Variants in KCNQ1 observed in about 807,000 individuals in gnomAD.
The protein encoded by KCNQ1 is potassium voltage-gated channel subfamily Q member 1.
KCNQ1 carries 49 observed loss-of-function variants against 72.4 expected under a neutral mutation model. The observed-to-expected ratio is 0.68, with a 90% confidence interval of 0.54 to 0.86. The LOEUF is 0.86. KCNQ1 is among the 40% of genes least tolerant of loss of function. The pLI, the probability that KCNQ1 is intolerant of heterozygous loss-of-function variation, is 0.00. For missense variants in KCNQ1, 790 were observed against 945.1 expected (o/e 0.84, Z 2.15); for synonymous variants, 450 against 412.6 (o/e 1.09, Z -1.10).
intron 1 of KCNQ1, among the ~76,000 whole-genome samples, chr11:2,510,629 G>A (rs949043875): frequency 6.6e-6 from 1 of 152,206 alleles, no homozygotes; most frequent in African/African-American, 2.4e-5. Flanking sequence ...AGGCTAACAT[G>A]TTGGGCTTTC....
At chr11:2,732,014 G>T (rs1845865960) in intron 11 of KCNQ1, among the ~76,000 whole-genome samples, 1 of 152,232 alleles carries the variant, frequency 6.6e-6, no homozygotes, top group South Asian at 2.1e-4. Flanking sequence ...GGGCTCCTGT[G>T]TTCCTTCCTC....
chr11:2,788,263 C>T (rs1187647098), intron 15 of KCNQ1, among the ~76,000 whole-genome samples: 1 of 152,124 alleles, frequency 6.6e-6, no homozygotes, highest in Non-Finnish European at 1.5e-5. Context: ...TCATGACCCA[C>T]GCCTCCCCGA....
At chr11:2,770,180 G>A (rs1846569009) in intron 12 of KCNQ1, among the ~76,000 whole-genome samples, 1 of 152,096 alleles carries the variant, frequency 6.6e-6, no homozygotes, top group African/African-American at 2.4e-5. Context: ...ATTGACACAG[G>A]CCCGCCCACA....
At position 2,668,265 on chromosome 11, in the gene KCNQ1, A is replaced by G; in HGVS notation, c.1514+6184A>G. On this transcript the variant is annotated intron_variant, in intron 11 of 15. Coordinates refer to ENST00000155840, the MANE Select transcript of KCNQ1 (RefSeq NM_000218.3). This position sits in a 1 kb window ranked among gnomAD's most constrained non-coding sequence, Gnocchi z 4.3. ...TTTCTGGTGTAGGTTGCTGTTTAAGAATATTCTGTACATGCTTTTGGTGAG... is the reference window on the plus strand; with the variant it reads ...TTTCTGGTGTAGGTTGCTGTTTAAGGATATTCTGTACATGCTTTTGGTGAG... The G allele has an allele frequency of 2.5e-6, 1 of 398,606 alleles. No homozygotes were observed. The highest frequency in any genetic ancestry group is 4.4e-6 in the Non-Finnish European group (1 of 226,106). The allele number at this position is 398,606 out of a possible 1,614,324, so 24.7% of individuals were successfully genotyped here.
rs1281068875 is a variant in KCNQ1 at position 2,608,485 on chromosome 11, T to C, written c.1393+19631T>C. 4 of 398,578 alleles carry C rather than the reference T, an allele frequency of 1.0e-5. No homozygotes were observed. Among genetic ancestry groups the C allele is most frequent in the Non-Finnish European group, 1.8e-5 (4 of 226,046 alleles). 24.7% of individuals were successfully genotyped at this position (398,578 alleles called of 1,614,324 possible). A position where few individuals can be genotyped will look rare whatever the true frequency, so the allele number is the denominator to read the frequency against. ...TCCCTCATTCATTCCTTTTTCCTTTTCTTTTTGAGAAACAGAGTCTCTCTC... is the reference window on the plus strand; with the variant it reads ...TCCCTCATTCATTCCTTTTTCCTTTCCTTTTTGAGAAACAGAGTCTCTCTC... On this transcript the variant is annotated intron_variant, in intron 10 of 15. Transcript: ENST00000155840. This position sits in a 1 kb window ranked among gnomAD's most constrained non-coding sequence, Gnocchi z 4.6.
chr11:2,615,635 G>T, intron 10 of KCNQ1: 1 of 397,998 alleles, frequency 2.5e-6, no homozygotes, highest in South Asian at 1.3e-4. Context: ...GAATTGAAAT[G>T]ATTGCATGGA....
rs775802173 is a variant in KCNQ1, at chr11:2,470,773, C to G, written c.386+25289C>G. ...CAGACTGGTCTCAAAACCCTGGTCT[C>G]GATCAATCCTCCCACCTCAGCCTCC... is the stretch of plus-strand genomic sequence containing the variant. On this transcript the variant is annotated intron_variant, in intron 1 of 15. Coordinates refer to ENST00000155840, the MANE Select transcript of KCNQ1 (RefSeq NM_000218.3). Among the ~76,000 whole-genome samples, 4 of 152,030 alleles carry G rather than the reference C, an allele frequency of 2.6e-5. No homozygotes were observed. The South Asian group carries it at 8.3e-4, about 32-fold the overall frequency.
rs1393404567 is a variant in KCNQ1 at position 2,592,310 on chromosome 11, C to T, written c.1393+3456C>T. On this transcript the variant is annotated intron_variant, in intron 10 of 15. Transcript: ENST00000155840. The surrounding 1 kb of genome is among the most constrained non-coding windows in gnomAD (Gnocchi z 5.2). ...CACTGAGCCTGTCGAGAGGCACAGG[C>T]AGGTATGGCAGTGGCAGACCTCAGG... is the stretch of plus-strand genomic sequence containing the variant. Among the ~76,000 whole-genome samples, 1 of 152,216 alleles carries T rather than the reference C, an allele frequency of 6.6e-6. No homozygotes were observed. The highest frequency in any genetic ancestry group is 1.5e-5 in the Non-Finnish European group (1 of 68,040).
intron 11 of KCNQ1, chr11:2,700,071 C>T: frequency 2.5e-6 from 1 of 398,024 alleles, no homozygotes; most frequent in Admixed American, 4.4e-5. Flanking sequence ...GCTGATTGGG[C>T]GGCAGCAGGG....
intron 11 of KCNQ1, among the ~76,000 whole-genome samples, chr11:2,740,069 C>T (rs1846025842): frequency 6.6e-6 from 1 of 152,214 alleles, no homozygotes; most frequent in South Asian, 2.1e-4. Context: ...TGCCTAGGCC[C>T]TGAACAGACA....
rs973522136 is a variant in KCNQ1, at chr11:2,658,565, A to G, written c.1394-3396A>G. On this transcript the variant is annotated intron_variant, in intron 10 of 15. Coordinates refer to ENST00000155840, the MANE Select transcript of KCNQ1 (RefSeq NM_000218.3). The surrounding 1 kb of genome is among the most constrained non-coding windows in gnomAD (Gnocchi z 4.9). ...CCCTACCCTAGCCCTAGAATCATCC[A>G]TTCATCCAGAGAGCCCTGGCTCCCT... 8.9e-5 allele frequency: 31 copies of G among 346,926 alleles called. No individual in the cohort carries two copies. In the Admixed American group the frequency reaches 9.3e-4, roughly 10 times the overall value. The allele number at this position is 346,926 out of a possible 1,614,324, so 21.5% of individuals were successfully genotyped here. A position where few individuals can be genotyped will look rare whatever the true frequency, so the allele number is the denominator to read the frequency against.
chr11:2,524,963 G>A (rs1020773869), intron 1 of KCNQ1, among the ~76,000 whole-genome samples: 5 of 152,206 alleles, frequency 3.3e-5, no homozygotes, highest in Non-Finnish European at 5.9e-5. Flanking sequence ...GAGCCAGGCT[G>A]TGTCTAATCT....
At chr11:2,836,444 A>T (rs1848067463) in intron 15 of KCNQ1, among the ~76,000 whole-genome samples, 1 of 152,162 alleles carries the variant, frequency 6.6e-6, no homozygotes, top group Non-Finnish European at 1.5e-5. Context: ...CTGCACTCCA[A>T]GGGGAGGAGG....
At chr11:2,716,630 AATCTT>A (rs1405395026) in intron 11 of KCNQ1, among the ~76,000 whole-genome samples, 1 of 152,150 alleles carries the variant, frequency 6.6e-6, no homozygotes, top group Admixed American at 6.5e-5. Flanking sequence ...GCCTCCCAGA[AATCTT>A]ATCTTGAGGG....
At chr11:2,810,692 C>G (rs1847468086) in intron 15 of KCNQ1, among the ~76,000 whole-genome samples, 1 of 152,228 alleles carries the variant, frequency 6.6e-6, no homozygotes, top group Non-Finnish European at 1.5e-5. Flanking sequence ...AGGCCCCTCT[C>G]TCTCATGTTC....
chr11:2,779,309 C>A (rs1023677526), intron 15 of KCNQ1, among the ~76,000 whole-genome samples: 1 of 152,174 alleles, frequency 6.6e-6, no homozygotes, highest in Non-Finnish European at 1.5e-5. Context: ...TTTCTCTTTG[C>A]GCAAGGGCTG....
intron 11 of KCNQ1, among the ~76,000 whole-genome samples, chr11:2,738,997 G>C (rs912732942): frequency 2.6e-5 from 4 of 152,196 alleles, no homozygotes; most frequent in Admixed American, 2.6e-4. Context: ...GGAGTCCAGG[G>C]GTCTGCAGAG....
rs1408640559 is a variant in KCNQ1 at position 2,682,963 on chromosome 11, C to T, written c.1514+20882C>T. The T allele has an allele frequency of 2.5e-6, 1 of 398,564 alleles. No homozygotes were observed. The highest frequency in any genetic ancestry group is 4.4e-6 in the Non-Finnish European group (1 of 226,066). 24.7% of individuals were successfully genotyped at this position (398,564 alleles called of 1,614,324 possible). ...GAAGAAAGGACAGGAGTCCTTCTGC[C>T]ACCCAGACTGTGCATTCAGACATCT... On this transcript the variant is annotated intron_variant, in intron 11 of 15. Transcript: ENST00000155840. This position sits in a 1 kb window ranked among gnomAD's most constrained non-coding sequence, Gnocchi z 5.8.
chr11:2,832,773 C>T (rs368825624), intron 15 of KCNQ1, among the ~76,000 whole-genome samples: 6 of 152,282 alleles, frequency 3.9e-5, no homozygotes, highest in African/African-American at 1.4e-4. Context: ...TGATGCTCCC[C>T]AAGGCAGGAG....
Sources: allele counts gnomAD v4.1 joint callset (sites outside exome capture counted in the v4.1 genomes callset), GRCh38; gene constraint gnomAD v4.1.1; non-coding constraint Gnocchi (gnomAD v3.1); transcripts MANE v1.5; gene names NCBI Gene and HGNC (gene_info 2026-07-23, HGNC 2026-07-21).